NF2: variants seen among roughly 807,000 people sequenced by gnomAD.
NF2 encodes NF2, moesin-ezrin-radixin like (MERLIN) tumor suppressor.
NF2 carries 8 observed loss-of-function variants against 83.7 expected under a neutral mutation model. That is an observed-to-expected ratio of 0.10 (90% confidence interval 0.06 to 0.17). The LOEUF (loss-of-function observed/expected upper bound fraction) is 0.17. NF2 is among the 10% of genes least tolerant of loss of function. The pLI, the probability that NF2 is intolerant of heterozygous loss-of-function variation, is 1.00. For missense variants in NF2, 533 were observed against 744.4 expected, an observed-to-expected ratio of 0.72 and a Z score of 3.31; for synonymous variants, 266 against 269.6, an observed-to-expected ratio of 0.99 and a Z score of 0.13.
Position 29,696,347 on chromosome 22 carries a change from C to T in NF2, c.*1545C>T, listed in dbSNP as rs1039665665. The T allele has an allele frequency of 4.5e-6, 1 of 223,220 alleles. No homozygotes were observed. Among genetic ancestry groups the T allele is most frequent in the Non-Finnish European group, 8.9e-6 (1 of 111,744 alleles). 13.8% of individuals were successfully genotyped at this position (223,220 alleles called of 1,614,324 possible). On this transcript the variant is annotated 3_prime_UTR_variant, in exon 16 of 16. Coordinates refer to ENST00000338641, the MANE Select transcript of NF2 (RefSeq NM_000268.4). ...AGCCACTGCACCCAGCCCCTTCTTGCCCTTTCTTTTCTCCATGGCTGATGC... is the reference window on the plus strand; with the variant it reads ...AGCCACTGCACCCAGCCCCTTCTTGTCCTTTCTTTTCTCCATGGCTGATGC...
intron 1 of NF2, among the ~76,000 whole-genome samples, chr22:29,613,704 C>T (rs904271528): frequency 1.3e-5 from 2 of 151,896 alleles, no homozygotes; most frequent in Non-Finnish European, 2.9e-5. Context: ...ACTGTCTTGT[C>T]TTGTCTTTTC....
At chr22:29,625,071 TG>T in intron 1 of NF2, among the ~76,000 whole-genome samples, 1 of 152,088 alleles carries the variant, frequency 6.6e-6, no homozygotes, top group Admixed American at 6.6e-5. Flanking sequence ...TCCGAGAAGC[TG>T]GGACTACAGG....
chr22:29,659,575 TC>T (rs1364882268), intron 7 of NF2, among the ~76,000 whole-genome samples: 1 of 152,190 alleles, frequency 6.6e-6, no homozygotes, highest in African/African-American at 2.4e-5. Flanking sequence ...TATCTTAGTG[TC>T]TTTTATGTTA....
At chr22:29,644,958 AGG>A (rs2065943583) in intron 4 of NF2, among the ~76,000 whole-genome samples, 1 of 149,696 alleles carries the variant, frequency 6.7e-6, no homozygotes, top group Non-Finnish European at 1.5e-5. Flanking sequence ...CCATGGGGAG[AGG>A]GAGAGGGAGA....
chr22:29,654,760 G>A (rs2066250576), intron 5 of NF2, 35 bp downstream of exon 5: 3 of 1,501,910 alleles, frequency 2.0e-6, no homozygotes, highest in Non-Finnish European at 2.8e-6. Context: ...GGAAGACATA[G>A]CAGATATGTG....
At position 29,694,767 on chromosome 22, in the gene NF2, G is replaced by T. The variant is rs145446060; in HGVS notation, c.1753G>T (p.Ala585Ser). 6.2e-7 allele frequency: 1 copy of T among 1,613,586 alleles called. No individual in the cohort carries two copies. Among genetic ancestry groups the T allele is most frequent in the Non-Finnish European group, 8.5e-7 (1 of 1,179,802 alleles). ...TTTCTTACAGCTCACCTTGCAGAGCGCCAAGTCCCGAGTGGCCTTCTTTGA... is the reference window on the plus strand; with the variant it reads ...TTTCTTACAGCTCACCTTGCAGAGCTCCAAGTCCCGAGTGGCCTTCTTTGA... ...NTIKKLTLQS[A>S]KSRVAFFEEL The change falls in exon 16 of 16, where the codon GCC becomes TCC. Residue 585 changes from alanine (A) to serine (S), a missense_variant. Transcript: ENST00000338641. The surrounding 1 kb of genome is among the most constrained non-coding windows in gnomAD (Gnocchi z 4.1).
chr22:29,669,824 T>C (rs2530673), intron 10 of NF2, among the ~76,000 whole-genome samples: 57,248 of 152,078 alleles, frequency 0.38, 11,377 homozygotes, highest in Non-Finnish European at 0.47. Context: ...TTCCAGACCT[T>C]AGTTTTCTCA....
At chr22:29,684,151 C>T (rs758139821) in intron 15 of NF2, 13 of 167,220 alleles carry the variant, frequency 7.8e-5, no homozygotes, top group Non-Finnish European at 1.7e-4. Context: ...AAAAGGTACA[C>T]TTGAGCTGTC....
intron 1 of NF2, among the ~76,000 whole-genome samples, chr22:29,623,249 A>T (rs1254882425): frequency 6.6e-6 from 1 of 152,016 alleles, no homozygotes; most frequent in African/African-American, 2.4e-5. Context: ...CCAGCTAGAG[A>T]TGTGTGTGAA....
chr22:29,617,691 T>C (rs1342067767), intron 1 of NF2, among the ~76,000 whole-genome samples: 1 of 152,244 alleles, frequency 6.6e-6, no homozygotes. Context: ...TTTACATAAA[T>C]GACCTGGGGA....
rs1392120911 is a variant in NF2, at chr22:29,697,946, C to T, written c.*3144C>T. 8.9e-6 allele frequency: 2 copies of T among 224,166 alleles called. No individual in the cohort carries two copies. The highest frequency in any genetic ancestry group is 1.8e-5 in the Non-Finnish European group (2 of 112,356). 13.9% of individuals were successfully genotyped at this position (224,166 alleles called of 1,614,324 possible). A position where few individuals can be genotyped will look rare whatever the true frequency, so the allele number is the denominator to read the frequency against. ...AAGTCTCAAGCCCAAAGAGCAGCGTCCTGACCATGGTGGTTTCATTACGAG... is the reference window on the plus strand; with the variant it reads ...AAGTCTCAAGCCCAAAGAGCAGCGTTCTGACCATGGTGGTTTCATTACGAG... On this transcript the variant is annotated 3_prime_UTR_variant, in exon 16 of 16. Transcript: ENST00000338641.
In NF2 at chr22:29,695,072, T is replaced by G; in HGVS notation, c.*270T>G. On this transcript the variant is annotated 3_prime_UTR_variant, in exon 16 of 16. Coordinates refer to ENST00000338641, the MANE Select transcript of NF2 (RefSeq NM_000268.4). The surrounding 1 kb of genome is among the most constrained non-coding windows in gnomAD (Gnocchi z 5.4). The stretch of plus-strand genomic sequence containing the variant: ...TTGTCTTCCTTTGTCTAATGTGGGA[T>G]TCCTGACTCCCTTCGTCCAAGGCAC... 4 of 566,136 alleles carry G rather than the reference T, an allele frequency of 7.1e-6. No individual in the cohort carries two copies. The highest frequency in any genetic ancestry group is 1.3e-5 in the Non-Finnish European group (4 of 315,462). 35.1% of individuals were successfully genotyped at this position (566,136 alleles called of 1,614,324 possible). A position where few individuals can be genotyped will look rare whatever the true frequency, so the allele number is the denominator to read the frequency against.
chr22:29,651,897 A>G (rs563470462), intron 4 of NF2, among the ~76,000 whole-genome samples: 3 of 152,306 alleles, frequency 2.0e-5, no homozygotes, highest in African/African-American at 7.2e-5. Flanking sequence ...TGCAAATGCA[A>G]CTAACAGGGC....
Position 29,636,980 on chromosome 22 carries a change from G to C in NF2, c.240+104G>C. The C allele has an allele frequency of 6.6e-7, 1 of 1,517,736 alleles. No individual in the cohort carries two copies. Among genetic ancestry groups the C allele is most frequent in the Non-Finnish European group, 9.1e-7 (1 of 1,095,218 alleles). 94.0% of individuals were successfully genotyped at this position (1,517,736 alleles called of 1,614,324 possible). A position where few individuals can be genotyped will look rare whatever the true frequency, so the allele number is the denominator to read the frequency against. ...ACTGGGGCGCTGTAGCTGTATAGTA[G>C]AGAAGGGGGCACATTCCTGAATTAA... On this transcript the variant is annotated intron_variant, in intron 2 of 15. Coordinates refer to ENST00000338641, the MANE Select transcript of NF2 (RefSeq NM_000268.4). This position sits in a 1 kb window ranked among gnomAD's most constrained non-coding sequence, Gnocchi z 4.4.
chr22:29,603,971 C>A lies in NF2; in HGVS notation c.-28C>A. 6.6e-7 allele frequency: 1 copy of A among 1,524,768 alleles called. No homozygotes were observed. Among genetic ancestry groups the A allele is most frequent in the Non-Finnish European group, 8.9e-7 (1 of 1,122,418 alleles). 94.5% of individuals were successfully genotyped at this position (1,524,768 alleles called of 1,614,324 possible). A position where few individuals can be genotyped will look rare whatever the true frequency, so the allele number is the denominator to read the frequency against. ...GGCTCAGAGTGCAGGCCGTGGGGCGCGAGGGTCCCGGGCCTGAGCCCCGCG... is the reference window on the plus strand; with the variant it reads ...GGCTCAGAGTGCAGGCCGTGGGGCGAGAGGGTCCCGGGCCTGAGCCCCGCG... On this transcript the variant is annotated 5_prime_UTR_variant, in exon 1 of 16. Transcript: ENST00000338641.
At chr22:29,678,419 G>A in intron 14 of NF2, 96 bp downstream of exon 14, 1 of 1,449,154 alleles carries the variant, frequency 6.9e-7, no homozygotes, top group Non-Finnish European at 9.6e-7. Context: ...GGTCGCTGCA[G>A]CAGCCTGTCA....
At chr22:29,645,206 T>C (rs2065951152) in intron 4 of NF2, among the ~76,000 whole-genome samples, 1 of 152,156 alleles carries the variant, frequency 6.6e-6, no homozygotes, top group Non-Finnish European at 1.5e-5. Flanking sequence ...ATTTAATCAT[T>C]TGATGGCTCA....
At chr22:29,638,767 G>A (rs1029046385) in intron 2 of NF2, among the ~76,000 whole-genome samples, 3 of 152,140 alleles carry the variant, frequency 2.0e-5, no homozygotes, top group African/African-American at 4.8e-5. Flanking sequence ...TACCATAAAG[G>A]ACAGTGTCCA....
At chr22:29,643,316 C>A (rs1490688271) in intron 4 of NF2, among the ~76,000 whole-genome samples, 3 of 145,836 alleles carry the variant, frequency 2.1e-5, no homozygotes, top group East Asian at 2.0e-4. Flanking sequence ...TTTTATTGAT[C>A]ATTCTTGGGT....
Sources: gnomAD v4.1 joint callset for allele counts (sites outside exome capture counted in the v4.1 genomes callset) on GRCh38, gnomAD v4.1.1 for gene constraint, Gnocchi (gnomAD v3.1) non-coding constraint, MANE v1.5 for transcripts, NCBI Gene and HGNC (gene_info 2026-07-23, HGNC 2026-07-21) for gene names.